The following JARID2 variants were observed in gnomAD, a reference collection of about 807,000 sequenced individuals.
JARID2 encodes jumonji and AT-rich interaction domain containing 2.
In JARID2, 21 loss-of-function variants were observed where a neutral mutation model predicts 125.6. The ratio of observed to expected loss-of-function variants is 0.17; its 90% CI spans 0.12 to 0.24. JARID2 has a LOEUF of 0.24. JARID2 is among the 10% of genes least tolerant of loss of function. The pLI, the probability that JARID2 is intolerant of heterozygous loss-of-function variation, is 1.00. For synonymous variants in JARID2, 736 were observed against 661.6 expected (o/e 1.11, Z -1.73); for missense variants, 1,303 against 1,639.6 (o/e 0.79, Z 3.55).
At chr6:15,289,950 T>C (rs1761144509) in intron 1 of JARID2, among the ~76,000 whole-genome samples, 1 of 152,206 alleles carries the variant, frequency 6.6e-6, no homozygotes, top group Admixed American at 6.5e-5. Flanking sequence ...CTTGTCTTCA[T>C]GGAAAGAAGG....
chr6:15,502,464 T>C (rs1581654751), intron 8 of JARID2, among the ~76,000 whole-genome samples: 1 of 152,186 alleles, frequency 6.6e-6, no homozygotes, highest in Non-Finnish European at 1.5e-5. Context: ...GTGTGGCTAG[T>C]GGGTTTCGGC....
intron 1 of JARID2, among the ~76,000 whole-genome samples, chr6:15,370,400 C>T (rs960693451): frequency 7.6e-5 from 11 of 144,310 alleles, no homozygotes; most frequent in Admixed American, 2.2e-4. Context: ...GGCACGATCT[C>T]TGCACACGAT....
intron 3 of JARID2, among the ~76,000 whole-genome samples, chr6:15,428,595 T>G (rs750370731): frequency 2.0e-5 from 3 of 152,152 alleles, no homozygotes; most frequent in Non-Finnish European, 2.9e-5. Context: ...ACAAAGGACA[T>G]GAACTCATGC....
At chr6:15,287,453 A>G (rs549286398) in intron 1 of JARID2, among the ~76,000 whole-genome samples, 8 of 152,352 alleles carry the variant, frequency 5.3e-5, no homozygotes, top group Middle Eastern at 3.4e-3. Flanking sequence ...TGTTATTTCA[A>G]GATAATCTGC....
chr6:15,337,563 A>C (rs1297835004), intron 1 of JARID2, among the ~76,000 whole-genome samples: 1 of 152,162 alleles, frequency 6.6e-6, no homozygotes, highest in Non-Finnish European at 1.5e-5. Flanking sequence ...CGTCTGCCAC[A>C]CCAATGGAAC....
At chr6:15,485,609 CAT>C (rs1178586779) in intron 5 of JARID2, among the ~76,000 whole-genome samples, 1 of 152,224 alleles carries the variant, frequency 6.6e-6, no homozygotes, top group African/African-American at 2.4e-5. Flanking sequence ...TGTATTAAAA[CAT>C]GTCATACTGT....
chr6:15,264,738 C>T (rs527687100), intron 1 of JARID2, among the ~76,000 whole-genome samples: 30 of 152,160 alleles, frequency 2.0e-4, no homozygotes, highest in African/African-American at 6.5e-4. Flanking sequence ...TCTGCCGGGC[C>T]GCTTTTATGT....
chr6:15,283,296 T>C (rs938048405), intron 1 of JARID2, among the ~76,000 whole-genome samples: 5 of 148,492 alleles, frequency 3.4e-5, no homozygotes, highest in African/African-American at 1.3e-4. Context: ...ATTTATTGAA[T>C]ATGTCGCAAA....
Position 15,501,264 on chromosome 6 carries a change from A to G in JARID2, c.2303A>G (p.Asn768Ser), listed in dbSNP as rs201528583. ...CTCATCCACGGCGTGGCCCCCAGGA[A>G]CGGCTTCCGCAGCAAGCTCAAGGAG... ...NGLIHGVAPR[N>S]GFRSKLKEVG... Residue 768 changes from asparagine to serine, a missense_variant, in exon 8 of 18, where the codon AAC becomes AGC. Around this residue, in one of 11 missense-constraint regions of JARID2, gnomAD observed 124 missense variants for 131.0 expected, o/e 0.95. Coordinates refer to ENST00000341776, the MANE Select transcript of JARID2 (RefSeq NM_004973.4). The G allele has an allele frequency of 1.2e-6, 2 of 1,613,620 alleles. No homozygotes were observed. The highest frequency in any genetic ancestry group is 2.2e-5 in the East Asian group (1 of 44,844).
chr6:15,396,074 A>C (rs1765208771), intron 2 of JARID2, among the ~76,000 whole-genome samples: 1 of 152,214 alleles, frequency 6.6e-6, no homozygotes, highest in Admixed American at 6.5e-5. Flanking sequence ...TGTTTTCAAA[A>C]TATTCTGAAA....
At chr6:15,299,723 C>T (rs908952944) in intron 1 of JARID2, among the ~76,000 whole-genome samples, 1 of 152,106 alleles carries the variant, frequency 6.6e-6, no homozygotes, top group Non-Finnish European at 1.5e-5. Flanking sequence ...GTTCGCAGAG[C>T]GGTCCTCATT....
At position 15,521,789 on chromosome 6, in the gene JARID2, G is replaced by GAAAC. The variant is rs1271833415; in HGVS notation, c.*1540_*1543dup. The GAAAC allele has an allele frequency of 6.6e-6, 1 of 152,208 alleles. No individual in the cohort carries two copies. Among genetic ancestry groups the GAAAC allele is most frequent in the African/African-American group, 2.4e-5 (1 of 41,468 alleles). 9.4% of individuals were successfully genotyped at this position (152,208 alleles called of 1,614,324 possible). A position where few individuals can be genotyped will look rare whatever the true frequency, so the allele number is the denominator to read the frequency against. ...TGTTTTGGAATATTTAACAATTACA[G>GAAAC]AAACAGTCAAGTGTTTTCCAATGTG... On this transcript the variant is annotated 3_prime_UTR_variant, in exon 18 of 18. Coordinates refer to ENST00000341776, the MANE Select transcript of JARID2 (RefSeq NM_004973.4).
intron 2 of JARID2, among the ~76,000 whole-genome samples, chr6:15,382,033 C>T (rs1764608553): frequency 6.6e-6 from 1 of 152,234 alleles, no homozygotes; most frequent in East Asian, 1.9e-4. Context: ...CCTGTAATCC[C>T]AGCACTTTGG....
chr6:15,424,034 C>T (rs1220419326), intron 3 of JARID2, among the ~76,000 whole-genome samples: 7 of 152,118 alleles, frequency 4.6e-5, no homozygotes, highest in African/African-American at 1.7e-4. Flanking sequence ...CCAGTACTTA[C>T]TACTTTCACT....
chr6:15,385,960 T>C (rs946267929), intron 2 of JARID2, among the ~76,000 whole-genome samples: 3 of 152,220 alleles, frequency 2.0e-5, no homozygotes, highest in Admixed American at 2.0e-4. Flanking sequence ...GTCAGCCTTG[T>C]GTCCTTTCTT....
chr6:15,271,843 T>C (rs907907486), intron 1 of JARID2, among the ~76,000 whole-genome samples: 1 of 151,928 alleles, frequency 6.6e-6, no homozygotes, highest in African/African-American at 2.4e-5. Flanking sequence ...ATACTAAAAA[T>C]ATAAAAAGTA....
At position 15,513,332 on chromosome 6, in the gene JARID2, G is replaced by A. The variant is rs554803828; in HGVS notation, c.3360G>A (p.Ala1120=). The A allele has an allele frequency of 3.3e-5, 54 of 1,612,790 alleles. 1 individual carries two copies. The Admixed American group carries it at 6.3e-4, about 19-fold the overall frequency. Residue 1120 remains alanine (A), a synonymous_variant, in exon 16 of 18, where the codon GCG becomes GCA. Transcript: ENST00000341776. ...YGSHDGSSTV[A]DGKKKPRKWL... ...GCCACGATGGCAGCAGCACGGTGGC[G>A]GACGGGAAGAAAAAGCCTCGAAAGT... is the stretch of plus-strand genomic sequence containing the variant.
intron 1 of JARID2, among the ~76,000 whole-genome samples, chr6:15,295,123 C>CT (rs60419870): frequency 0.019 from 2,434 of 129,404 alleles, 65 homozygotes; most frequent in African/African-American, 0.041. Context: ...TTTTTTCTTT[C>CT]TTTTTTTTTT....
Position 15,443,766 on chromosome 6 carries a change from C to G in JARID2, c.324-8240C>G, listed in dbSNP as rs75164178. Among the ~76,000 whole-genome samples, 128 of 152,182 alleles carry G rather than the reference C, an allele frequency of 8.4e-4. 2 individuals are homozygous for G. In the East Asian group the frequency reaches 0.018, roughly 21 times the overall value. Reference sequence around the variant, plus strand: ...AGCTTGGAGCTAGAGAGAGCCTTAGCTTCCCTTTTTAAAATAGTCCTTAAA... The same window carrying G: ...AGCTTGGAGCTAGAGAGAGCCTTAGGTTCCCTTTTTAAAATAGTCCTTAAA... On this transcript the variant is annotated intron_variant, in intron 3 of 17. Transcript: ENST00000341776.
Sources: allele counts gnomAD v4.1 joint callset (sites outside exome capture counted in the v4.1 genomes callset), GRCh38; gene constraint gnomAD v4.1.1; regional missense constraint gnomAD v4.1.1; transcripts MANE v1.5; gene names NCBI Gene and HGNC (gene_info 2026-07-23, HGNC 2026-07-21).